Variants in SERTAD2 observed in about 807,000 individuals in gnomAD.
The protein encoded by SERTAD2 is SERTA domain-containing protein 2.
A neutral mutation model predicts 15.4 loss-of-function variants in SERTAD2; 2 were observed. The observed-to-expected ratio is 0.13, with a 90% CI of 0.05 to 0.41. SERTAD2 has a LOEUF of 0.41. Ranked by LOEUF, SERTAD2 falls within the 10% of genes least tolerant of loss-of-function variation. The pLI is 0.99. For missense variants in SERTAD2, 333 were observed against 409.7 expected, an observed-to-expected ratio of 0.81 and a Z score of 1.62; for synonymous variants, 180 against 178.0, an observed-to-expected ratio of 1.01 and a Z score of -0.09.
rs1180549411 is a variant in SERTAD2 at position 64,632,487 on chromosome 2, G to A, written c.*3440C>T. The A allele has an allele frequency of 3.9e-5, 6 of 152,612 alleles. 1 individual carries two copies. The East Asian group carries it at 1.2e-3, about 29-fold the overall frequency. 9.5% of individuals were successfully genotyped at this position (152,612 alleles called of 1,614,324 possible). ...TTGGTAAAGACACTCGAGAGGTGCA[G>A]AGGAGGCTCTGGCCACTGCTCACCC... On this transcript the variant is annotated 3_prime_UTR_variant, in exon 2 of 2. Coordinates refer to ENST00000313349, the MANE Select transcript of SERTAD2 (RefSeq NM_014755.3).
At position 64,636,140 on chromosome 2, in the gene SERTAD2, A is replaced by G; in HGVS notation, c.732T>C (p.Asp244=). The G allele has an allele frequency of 6.2e-7, 1 of 1,614,140 alleles. No homozygotes were observed. Among genetic ancestry groups the G allele is most frequent in the Non-Finnish European group, 8.5e-7 (1 of 1,179,972 alleles). Reference sequence around the variant, plus strand: ...TATCAATGTCAGCAAACAGGATGTCATCCAGGGTCAAGTCTGTCAGGAAAC... The same window carrying G: ...TATCAATGTCAGCAAACAGGATGTCGTCCAGGGTCAAGTCTGTCAGGAAAC... The part of the protein sequence containing the change: ...STGFLTDLTL[D]DILFADIDTS... The change falls in exon 2 of 2, where the codon GAT becomes GAC. Residue 244 remains aspartate, a synonymous_variant. Coordinates refer to ENST00000313349, the MANE Select transcript of SERTAD2 (RefSeq NM_014755.3).
chr2:64,642,592 T>C (rs573578039), intron 1 of SERTAD2, among the ~76,000 whole-genome samples: 193 of 152,338 alleles, frequency 1.3e-3, no homozygotes, highest in Non-Finnish European at 2.4e-3. Context: ...GAGTATTAAA[T>C]TGACTTTTCC....
chr2:64,643,137 C>T (rs998585068), intron 1 of SERTAD2, among the ~76,000 whole-genome samples: 69 of 152,266 alleles, frequency 4.5e-4, no homozygotes, highest in African/African-American at 1.5e-3. Context: ...TGACCTGGTG[C>T]GGGGACAGAC....
At position 64,636,550 on chromosome 2, in the gene SERTAD2, T is replaced by C. The variant is rs142927910; in HGVS notation, c.322A>G (p.Ser108Gly). ...DSYREAPPAFSHLASPSSHPC... is the reference protein window; with the variant it reads ...DSYREAPPAFGHLASPSSHPC... The stretch of plus-strand genomic sequence containing the variant: ...TGGGAGGACGGGGACGCCAGGTGGC[T>C]GAAGGCCGGCGGGGCCTCTCGGTAG... Residue 108 changes from serine (S) to glycine (G), a missense_variant, in exon 2 of 2, where the codon AGC becomes GGC. Around this residue, in one of 2 missense-constraint regions of SERTAD2, gnomAD observed 332 missense variants for 392.9 expected, o/e 0.84. Transcript: ENST00000313349. 32 of 1,588,648 alleles carry C rather than the reference T, an allele frequency of 2.0e-5. No individual in the cohort carries two copies. In the African/African-American group the frequency reaches 3.2e-4, roughly 16 times the overall value.
chr2:64,649,791 G>T (rs143941201), intron 1 of SERTAD2, among the ~76,000 whole-genome samples: 1 of 152,162 alleles, frequency 6.6e-6, no homozygotes, highest in South Asian at 2.1e-4. Context: ...CTCCAGATCT[G>T]TCCTCTGCTC....
At position 64,636,525 on chromosome 2, in the gene SERTAD2, T is replaced by TGGGAGGACGGGGACGCCAGGTGGC; in HGVS notation, c.323_346dup (p.Ser115_His116insArgHisLeuAlaSerProSerSer). 2 of 1,597,092 alleles carry TGGGAGGACGGGGACGCCAGGTGGC rather than the reference T, an allele frequency of 1.3e-6. No homozygotes were observed. Among genetic ancestry groups the TGGGAGGACGGGGACGCCAGGTGGC allele is most frequent in the African/African-American group, 2.8e-5 (2 of 72,522 alleles). The stretch of plus-strand genomic sequence containing the variant: ...CGTAGTGCTTCCGAGGTCGCAGGGG[T>TGGGAGGACGGGGACGCCAGGTGGC]GGGAGGACGGGGACGCCAGGTGGCT... On this transcript the variant is annotated inframe_insertion, in exon 2 of 2. Transcript: ENST00000313349.
intron 1 of SERTAD2, among the ~76,000 whole-genome samples, chr2:64,639,362 CT>C (rs1674723728): frequency 6.6e-6 from 1 of 152,206 alleles, no homozygotes; most frequent in African/African-American, 2.4e-5. Context: ...TTTTCCATAA[CT>C]TTGTATTTTT....
At chr2:64,649,364 T>C (rs1487505258) in intron 1 of SERTAD2, among the ~76,000 whole-genome samples, 1 of 152,204 alleles carries the variant, frequency 6.6e-6, no homozygotes, top group African/African-American at 2.4e-5. Flanking sequence ...TTTGATCATT[T>C]AGTGTTTTTG....
rs751436225 is a variant in SERTAD2 at position 64,633,194 on chromosome 2, C to T, written c.*2733G>A. 2.6e-5 allele frequency: 4 copies of T among 152,202 alleles called. No homozygotes were observed. The highest frequency in any genetic ancestry group is 5.9e-5 in the Non-Finnish European group (4 of 68,036). 9.4% of individuals were successfully genotyped at this position (152,202 alleles called of 1,614,324 possible). The stretch of plus-strand genomic sequence containing the variant: ...AGAACCCTAGATCATTTTGATCTTT[C>T]TGAAAATGGGCTGCTAATTTTCCAT... On this transcript the variant is annotated 3_prime_UTR_variant, in exon 2 of 2. Transcript: ENST00000313349.
At chr2:64,649,603 AATT>A in intron 1 of SERTAD2, among the ~76,000 whole-genome samples, 2 of 152,232 alleles carry the variant, frequency 1.3e-5, no homozygotes, top group Non-Finnish European at 2.9e-5. Flanking sequence ...AAAAGCTTAG[AATT>A]AATTAGTAAC....
At chr2:64,648,007 C>T (rs763457739) in intron 1 of SERTAD2, among the ~76,000 whole-genome samples, 1 of 152,156 alleles carries the variant, frequency 6.6e-6, no homozygotes, top group Non-Finnish European at 1.5e-5. Context: ...ATAACTTATC[C>T]GTGCAGTCCA....
Position 64,635,301 on chromosome 2 carries a change from T to C in SERTAD2, c.*626A>G, listed in dbSNP as rs1357465367. ...ACTATGTGAGCAAATCCTATCAAAA[T>C]AGCTATCTCATATGTATAAACAGCA... On this transcript the variant is annotated 3_prime_UTR_variant, in exon 2 of 2. Coordinates refer to ENST00000313349, the MANE Select transcript of SERTAD2 (RefSeq NM_014755.3). 2 of 152,680 alleles carry C rather than the reference T, an allele frequency of 1.3e-5. No homozygotes were observed. The highest frequency in any genetic ancestry group is 4.8e-5 in the African/African-American group (2 of 41,474). 9.5% of individuals were successfully genotyped at this position (152,680 alleles called of 1,614,324 possible).
intron 1 of SERTAD2, among the ~76,000 whole-genome samples, chr2:64,638,378 C>T (rs1167716759): frequency 6.6e-6 from 1 of 152,216 alleles, no homozygotes. Context: ...ATAGCCCCTC[C>T]TACACCTGAT....
rs1456097869 is a variant in SERTAD2, at chr2:64,633,832, T to C, written c.*2095A>G. On this transcript the variant is annotated 3_prime_UTR_variant, in exon 2 of 2. Coordinates refer to ENST00000313349, the MANE Select transcript of SERTAD2 (RefSeq NM_014755.3). ...CTCACTGCTCTACTGAGCTGATAAT[T>C]AGCCTTTAAAACACATTCAAGTGGG... The C allele has an allele frequency of 1.3e-5, 2 of 152,448 alleles. No individual in the cohort carries two copies. Among genetic ancestry groups the C allele is most frequent in the Admixed American group, 6.5e-5 (1 of 15,308 alleles). The allele number at this position is 152,448 out of a possible 1,614,324, so 9.4% of individuals were successfully genotyped here.
Position 64,635,884 on chromosome 2 carries a change from C to T in SERTAD2, c.*43G>A, listed in dbSNP as rs766301856. ...TGGAGAACTGTCAGGGTTATGGGAA[C>T]GCTCTGGGGTCTGGGTGGGCATAGT... On this transcript the variant is annotated 3_prime_UTR_variant, in exon 2 of 2. Transcript: ENST00000313349. The T allele has an allele frequency of 9.6e-6, 14 of 1,456,278 alleles. No homozygotes were observed. Among genetic ancestry groups the T allele is most frequent in the South Asian group, 7.0e-5 (6 of 85,970 alleles). The allele number at this position is 1,456,278 out of a possible 1,614,324, so 90.2% of individuals were successfully genotyped here.
chr2:64,643,767 G>T (rs1462834307), intron 1 of SERTAD2, among the ~76,000 whole-genome samples: 1 of 152,208 alleles, frequency 6.6e-6, no homozygotes, highest in Non-Finnish European at 1.5e-5. Flanking sequence ...TCAGGAGGCT[G>T]AGGCAGGAGA....
rs1674653186 is a variant in SERTAD2 at position 64,636,222 on chromosome 2, T to A, written c.650A>T (p.Asp217Val). ...KLDGPQESRA[D>V]DSKLMDSLPG... is the part of the protein sequence containing the mutation. ...CAGAGAGTCCATCAGTTTTGAGTCA[T>A]CTGCGCGGCTCTCTTGAGGACCGTC... The change falls in exon 2 of 2, where the codon GAT becomes GTT. Residue 217 changes from aspartate (D) to valine (V), a missense_variant. Transcript: ENST00000313349. The A allele has an allele frequency of 1.9e-6, 3 of 1,614,068 alleles. 1 individual carries two copies. The highest frequency in any genetic ancestry group is 1.3e-5 in the African/African-American group (1 of 74,926).
intron 1 of SERTAD2, among the ~76,000 whole-genome samples, chr2:64,639,931 G>A (rs1674735436): frequency 6.6e-6 from 1 of 152,158 alleles, no homozygotes; most frequent in African/African-American, 2.4e-5. Flanking sequence ...GGAGGGCAGA[G>A]GGCTCGGTAA....
At chr2:64,650,454 G>T (rs568989344) in intron 1 of SERTAD2, among the ~76,000 whole-genome samples, 88 of 152,110 alleles carry the variant, frequency 5.8e-4, no homozygotes, top group African/African-American at 2.0e-3. Flanking sequence ...TTCATACAAA[G>T]AATGAACTGC....
Sources: allele counts gnomAD v4.1 joint callset (sites outside exome capture counted in the v4.1 genomes callset), GRCh38; gene constraint gnomAD v4.1.1; regional missense constraint gnomAD v4.1.1; transcripts MANE v1.5; gene names NCBI Gene and HGNC (gene_info 2026-07-23, HGNC 2026-07-21).